AGAP1: variants seen among roughly 807,000 people sequenced by gnomAD.
AGAP1 encodes the protein ArfGAP with GTPase domain, ankyrin repeat and PH domain 1, also known as arf-GAP with GTPase, ANK repeat and PH domain-containing protein 1.
Under a neutral mutation model 105.3 loss-of-function variants are expected in AGAP1, and 29 were observed. The observed-to-expected ratio is 0.28, with a 90% CI of 0.21 to 0.38. The LOEUF (loss-of-function observed/expected upper bound fraction) is 0.38. Ranked by LOEUF, AGAP1 falls within the 10% of genes least tolerant of loss-of-function variation. The pLI is 1.00. For synonymous variants in AGAP1, 509 were observed against 485.9 expected (o/e 1.05, Z -0.63); for missense variants, 998 against 1,165.1 (o/e 0.86, Z 2.09).
rs1177934491 is a variant in AGAP1, at chr2:236,109,472, G to C, written c.2115-10720G>C. ...TAGTTTTGATAGGGAAGAAGAGGAG[G>C]AAGGAAAAACTGAGATGATCTAGAT... On this transcript the variant is annotated intron_variant, in intron 16 of 17. Transcript: ENST00000304032. This position sits in a 1 kb window ranked among gnomAD's most constrained non-coding sequence, Gnocchi z 5.4. Among the ~76,000 whole-genome samples, 1 of 152,114 alleles carries C rather than the reference G, an allele frequency of 6.6e-6. No homozygotes were observed. The highest frequency in any genetic ancestry group is 1.9e-4 in the East Asian group (1 of 5,198).
rs1296326810 is a variant in AGAP1 at position 236,129,074 on chromosome 2, C to T, written c.*4952C>T. The stretch of plus-strand genomic sequence containing the variant: ...GAAGTCACATCTTGAATGACTGTCA[C>T]CCTCATCCTTCCCCAAAAAGCTAAA... On this transcript the variant is annotated 3_prime_UTR_variant, in exon 18 of 18. Coordinates refer to ENST00000304032, the MANE Select transcript of AGAP1 (RefSeq NM_001037131.3). The surrounding 1 kb of genome is among the most constrained non-coding windows in gnomAD (Gnocchi z 6.2). The T allele has an allele frequency of 2.0e-5, 3 of 152,202 alleles. No homozygotes were observed. The highest frequency in any genetic ancestry group is 1.3e-4 in the Admixed American group (2 of 15,282). The allele number at this position is 152,202 out of a possible 1,614,324, so 9.4% of individuals were successfully genotyped here.
intron 10 of AGAP1, among the ~76,000 whole-genome samples, chr2:235,899,341 C>A (rs56327436): frequency 1.3e-5 from 2 of 152,010 alleles, no homozygotes; most frequent in African/African-American, 2.4e-5. Flanking sequence ...GGTGAAATGC[C>A]GTTTCTACTA....
chr2:235,852,693 C>G, intron 9 of AGAP1: 1 of 1,495,058 alleles, frequency 6.7e-7, no homozygotes, highest in South Asian at 1.3e-5. Flanking sequence ...CAGGGCCTGC[C>G]CTTCTTTGTC....
intron 15 of AGAP1, among the ~76,000 whole-genome samples, chr2:236,043,525 G>A (rs545561792): frequency 1.9e-4 from 29 of 152,288 alleles, no homozygotes; most frequent in East Asian, 5.8e-4. Context: ...TCAGGAGTTC[G>A]AGACCAGCCT....
intron 1 of AGAP1, among the ~76,000 whole-genome samples, chr2:235,526,288 A>T (rs530519877): frequency 1.3e-5 from 2 of 152,386 alleles, no homozygotes; most frequent in East Asian, 1.9e-4. Context: ...ACTCAGCCAG[A>T]TGAATCCAGA....
At chr2:235,860,815 G>T (rs6760708) in intron 9 of AGAP1, among the ~76,000 whole-genome samples, 1 of 152,036 alleles carries the variant, frequency 6.6e-6, no homozygotes, top group Non-Finnish European at 1.5e-5. Context: ...GGTTCAATTA[G>T]CATGTATAAA....
At chr2:235,975,005 TAC>T (rs768175569) in intron 13 of AGAP1, among the ~76,000 whole-genome samples, 11 of 152,334 alleles carry the variant, frequency 7.2e-5, no homozygotes, top group South Asian at 6.2e-4. Flanking sequence ...GAAGCACAAA[TAC>T]ACACTGAGTT....
At chr2:235,871,615 G>A (rs1190663250) in intron 9 of AGAP1, among the ~76,000 whole-genome samples, 3 of 152,202 alleles carry the variant, frequency 2.0e-5, no homozygotes, top group Non-Finnish European at 4.4e-5. Flanking sequence ...CAGCAGTACA[G>A]GATGCTAATT....
At chr2:235,881,565 A>G (rs752885496) in intron 9 of AGAP1, among the ~76,000 whole-genome samples, 68 of 152,214 alleles carry the variant, frequency 4.5e-4, no homozygotes, top group Non-Finnish European at 2.9e-4. Context: ...AGGAAGACAG[A>G]GACAGAGACT....
In AGAP1 at chr2:235,707,173, A is replaced by T. The variant is rs552633925; in HGVS notation, c.164-2006A>T. 5.9e-5 allele frequency among the ~76,000 whole-genome samples: 9 copies of T among 152,356 alleles called. No individual in the cohort carries two copies. The South Asian group carries it at 1.0e-3, about 18-fold the overall frequency. ...GCAGTGACTGGAAGTCTTTGCGGGCAGTGCAGGGAGAAGTCCGCCTCCCAG... is the reference window on the plus strand; with the variant it reads ...GCAGTGACTGGAAGTCTTTGCGGGCTGTGCAGGGAGAAGTCCGCCTCCCAG... On this transcript the variant is annotated intron_variant, in intron 1 of 17. Transcript: ENST00000304032.
intron 1 of AGAP1, among the ~76,000 whole-genome samples, chr2:235,707,668 C>A (rs13027702): frequency 1.5e-5 from 1 of 68,880 alleles, no homozygotes; most frequent in Non-Finnish European, 3.8e-5. Flanking sequence ...GCTCCCCCGG[C>A]GTGTGACTTG....
rs1953769633 is a variant in AGAP1, at chr2:235,754,730, T to C, written c.673+4242T>C. On this transcript the variant is annotated intron_variant, in intron 6 of 17. Transcript: ENST00000304032. The surrounding 1 kb of genome is among the most constrained non-coding windows in gnomAD (Gnocchi z 4.6). The stretch of plus-strand genomic sequence containing the variant: ...GCTGGTTCATCCACCCAGTCACTCG[T>C]TCATCTGAGCACCAGCTTCCCACAC... Among the ~76,000 whole-genome samples the C allele has an allele frequency of 6.6e-6, 1 of 152,214 alleles. No homozygotes were observed. Among genetic ancestry groups the C allele is most frequent in the Non-Finnish European group, 1.5e-5 (1 of 68,042 alleles).
At chr2:236,099,269 G>A (rs754120003) in intron 16 of AGAP1, among the ~76,000 whole-genome samples, 1 of 151,906 alleles carries the variant, frequency 6.6e-6, no homozygotes, top group Non-Finnish European at 1.5e-5. Flanking sequence ...TGACTAACAG[G>A]GTGAAACCCC....
At position 235,684,745 on chromosome 2, in the gene AGAP1, T is replaced by G. The variant is rs371068199; in HGVS notation, c.164-24434T>G. ...CTACTGTTTACCATCCATGGCTGCT[T>G]GAGTTTTTAGAGCTGCGTCAGATGA... On this transcript the variant is annotated intron_variant, in intron 1 of 17. Transcript: ENST00000304032. Among the ~76,000 whole-genome samples, 31 of 152,288 alleles carry G rather than the reference T, an allele frequency of 2.0e-4. No individual in the cohort carries two copies. In the South Asian group the frequency reaches 6.4e-3, roughly 32 times the overall value.
chr2:235,918,249 A>G (rs946493587), intron 11 of AGAP1, among the ~76,000 whole-genome samples: 2 of 152,226 alleles, frequency 1.3e-5, no homozygotes, highest in Admixed American at 6.5e-5. Flanking sequence ...ACCTTGGTAG[A>G]CCATTTGCAA....
At chr2:235,986,018 A>G (rs2055300341) in intron 13 of AGAP1, among the ~76,000 whole-genome samples, 1 of 152,216 alleles carries the variant, frequency 6.6e-6, no homozygotes, top group Non-Finnish European at 1.5e-5. Context: ...TGTCAATGGT[A>G]GTTTCATAGG....
rs1321801661 is a variant in AGAP1 at position 235,962,416 on chromosome 2, G to A, written c.1484-6046G>A. Among the ~76,000 whole-genome samples the A allele has an allele frequency of 1.3e-5, 2 of 152,098 alleles. No homozygotes were observed. The highest frequency in any genetic ancestry group is 1.3e-4 in the Admixed American group (2 of 15,268). On this transcript the variant is annotated intron_variant, in intron 12 of 17. Transcript: ENST00000304032. The surrounding 1 kb of genome is among the most constrained non-coding windows in gnomAD (Gnocchi z 5.3). ...GGGTGAGTTTCAAGTCGTGTGCGAT[G>A]CTGCCCGGCTGTATAAGAAAAACCG...
At position 235,550,205 on chromosome 2, in the gene AGAP1, A is replaced by C. The variant is rs2149113243; in HGVS notation, c.163+55356A>C. 6.6e-6 allele frequency among the ~76,000 whole-genome samples: 1 copy of C among 152,286 alleles called. No individual in the cohort carries two copies. Among genetic ancestry groups the C allele is most frequent in the Admixed American group, 6.5e-5 (1 of 15,302 alleles). ...AGTCTTAGCAGGTGGATTATCACCGAGCACACAGGCAGCCCGAGGCACCTC... is the reference window on the plus strand; with the variant it reads ...AGTCTTAGCAGGTGGATTATCACCGCGCACACAGGCAGCCCGAGGCACCTC... On this transcript the variant is annotated intron_variant, in intron 1 of 17. Coordinates refer to ENST00000304032, the MANE Select transcript of AGAP1 (RefSeq NM_001037131.3). The surrounding 1 kb of genome is among the most constrained non-coding windows in gnomAD (Gnocchi z 4.6).
chr2:236,040,804 G>T lies in AGAP1; in HGVS notation c.1854G>T (p.Met618Ile), dbSNP rs746717377. ...TGGCCCTGCAGTCGATCCGGAACAT[G>T]CGCGGGAACTCCCACTGTGTGGACT... ...EAMALQSIRN[M>I]RGNSHCVDCE... Residue 618 changes from methionine to isoleucine, a missense_variant, in exon 15 of 18, where the codon ATG becomes ATT. Around this residue, in one of 3 missense-constraint regions of AGAP1, gnomAD observed 735 missense variants for 833.4 expected, o/e 0.88. Coordinates refer to ENST00000304032, the MANE Select transcript of AGAP1 (RefSeq NM_001037131.3). This position sits in a 1 kb window ranked among gnomAD's most constrained non-coding sequence, Gnocchi z 5.6. 8 of 1,614,082 alleles carry T rather than the reference G, an allele frequency of 5.0e-6. No individual in the cohort carries two copies. Among genetic ancestry groups the T allele is most frequent in the Non-Finnish European group, 6.8e-6 (8 of 1,180,034 alleles).
Sources: allele counts gnomAD v4.1 joint callset (sites outside exome capture counted in the v4.1 genomes callset), GRCh38; gene constraint gnomAD v4.1.1; regional missense constraint gnomAD v4.1.1; non-coding constraint Gnocchi (gnomAD v3.1); transcripts MANE v1.5; gene names NCBI Gene and HGNC (gene_info 2026-07-23, HGNC 2026-07-21).